The following UBE2E2 variants were observed in gnomAD, a reference collection of about 807,000 sequenced individuals.
UBE2E2 encodes ubiquitin conjugating enzyme E2 E2.
In UBE2E2, 6 loss-of-function variants were observed where a neutral mutation model predicts 24.7. That is an observed-to-expected ratio of 0.24 (90% confidence interval 0.13 to 0.48). UBE2E2 has a LOEUF of 0.48. Among genes scored for constraint, UBE2E2 ranks in the 20% least tolerant of loss-of-function variants. UBE2E2 has a pLI of 0.99. For missense variants in UBE2E2, 169 were observed against 245.0 expected (o/e 0.69, Z 2.07); for synonymous variants, 104 against 83.6 (o/e 1.24, Z -1.33).
At chr3:23,348,347 CAAAAAAA>C (rs35038477) in intron 3 of UBE2E2, among the ~76,000 whole-genome samples, 9 of 121,954 alleles carry the variant, frequency 7.4e-5, no homozygotes, top group South Asian at 5.5e-4. Context: ...GTGCTGCTTT[CAAAAAAA>C]AAAAAAAAAA....
intron 4 of UBE2E2, among the ~76,000 whole-genome samples, chr3:23,501,293 T>G (rs182855159): frequency 5.9e-5 from 9 of 152,286 alleles, no homozygotes; most frequent in African/African-American, 1.9e-4. Flanking sequence ...GACAGAAATG[T>G]GTAGATTAAA....
intron 3 of UBE2E2, among the ~76,000 whole-genome samples, chr3:23,484,340 T>C (rs993625259): frequency 1.8e-4 from 28 of 152,192 alleles, no homozygotes; most frequent in African/African-American, 6.0e-4. Flanking sequence ...CATATACTTA[T>C]CCTGAGAGAA....
intron 3 of UBE2E2, among the ~76,000 whole-genome samples, chr3:23,396,783 C>T (rs1347653521): frequency 6.6e-6 from 1 of 152,102 alleles, no homozygotes; most frequent in Admixed American, 6.6e-5. Flanking sequence ...TCATAGTGAG[C>T]ACTCAATAAA....
chr3:23,285,553 G>C (rs917564027), intron 3 of UBE2E2, among the ~76,000 whole-genome samples: 1 of 152,004 alleles, frequency 6.6e-6, no homozygotes, highest in Non-Finnish European at 1.5e-5. Flanking sequence ...GCCTGTCTTT[G>C]GATAAAAGTC....
intron 3 of UBE2E2, among the ~76,000 whole-genome samples, chr3:23,401,530 G>A (rs1299414123): frequency 6.6e-6 from 1 of 152,058 alleles, no homozygotes; most frequent in Non-Finnish European, 1.5e-5. Flanking sequence ...TTGTCTGATG[G>A]CCTTCAAAAC....
Position 23,324,190 on chromosome 3 carries a change from A to G in UBE2E2, c.227+106878A>G, listed in dbSNP as rs375336871. 7.9e-5 allele frequency among the ~76,000 whole-genome samples: 12 copies of G among 152,268 alleles called. No individual in the cohort carries two copies. In the South Asian group the frequency reaches 2.5e-3, roughly 32 times the overall value. On this transcript the variant is annotated intron_variant, in intron 3 of 5. Coordinates refer to ENST00000396703, the MANE Select transcript of UBE2E2 (RefSeq NM_152653.4). ...AGCCAGTTTATTCCTGTTCCACTGC[A>G]TCACTTATGATTATTTGGGACCTGG...
chr3:23,511,727 G>A (rs963438070), intron 4 of UBE2E2, among the ~76,000 whole-genome samples: 2 of 152,166 alleles, frequency 1.3e-5, no homozygotes, highest in Non-Finnish European at 2.9e-5. Flanking sequence ...AGTTCTCACT[G>A]TTTGGGGATT....
chr3:23,546,103 A>G (rs1236100978), intron 5 of UBE2E2, among the ~76,000 whole-genome samples: 1 of 152,224 alleles, frequency 6.6e-6, no homozygotes, highest in East Asian at 1.9e-4. Context: ...CTTTACCACT[A>G]TACAGTTTAT....
Position 23,590,661 on chromosome 3 carries a change from C to T in UBE2E2, c.*830C>T, listed in dbSNP as rs1696740280. 2 of 152,552 alleles carry T rather than the reference C, an allele frequency of 1.3e-5. No individual in the cohort carries two copies. The highest frequency in any genetic ancestry group is 2.4e-5 in the African/African-American group (1 of 41,444). 9.4% of individuals were successfully genotyped at this position (152,552 alleles called of 1,614,324 possible). A position where few individuals can be genotyped will look rare whatever the true frequency, so the allele number is the denominator to read the frequency against. On this transcript the variant is annotated 3_prime_UTR_variant, in exon 6 of 6. Transcript: ENST00000396703. ...CAGTGAGGCTTGTCTAATTCAATTA[C>T]AGGTTCAAGTGTATTTTTCATCTCA...
At chr3:23,475,585 A>C (rs1289124156) in intron 3 of UBE2E2, among the ~76,000 whole-genome samples, 3 of 152,048 alleles carry the variant, frequency 2.0e-5, no homozygotes, top group Non-Finnish European at 4.4e-5. Flanking sequence ...ATATATGCAA[A>C]GTGACTCCTA....
intron 5 of UBE2E2, among the ~76,000 whole-genome samples, chr3:23,576,933 T>TC (rs1696360689): frequency 6.6e-6 from 1 of 151,916 alleles, no homozygotes; most frequent in African/African-American, 2.4e-5. Flanking sequence ...TTTTTTTTTT[T>TC]AACAAATTGA....
chr3:23,562,019 G>C (rs1474132953), intron 5 of UBE2E2, among the ~76,000 whole-genome samples: 5 of 152,172 alleles, frequency 3.3e-5, no homozygotes, highest in Non-Finnish European at 7.3e-5. Flanking sequence ...TGCAAACAGG[G>C]ACAATTTGAC....
chr3:23,328,090 G>A (rs1694952672), intron 3 of UBE2E2, among the ~76,000 whole-genome samples: 1 of 151,884 alleles, frequency 6.6e-6, no homozygotes, highest in Non-Finnish European at 1.5e-5. Flanking sequence ...GAAATCAAAT[G>A]TTTTCTTTTT....
chr3:23,300,735 C>G (rs983054761), intron 3 of UBE2E2, among the ~76,000 whole-genome samples: 4 of 152,038 alleles, frequency 2.6e-5, no homozygotes, highest in African/African-American at 9.7e-5. Context: ...TTCATTTCAA[C>G]TTTGGTGAAT....
intron 3 of UBE2E2, among the ~76,000 whole-genome samples, chr3:23,428,435 A>G (rs1407926492): frequency 6.6e-6 from 1 of 152,236 alleles, no homozygotes; most frequent in Non-Finnish European, 1.5e-5. Context: ...TGCAGAGGTT[A>G]CAGAAGAAGA....
chr3:23,548,890 C>T (rs950186349), intron 5 of UBE2E2, among the ~76,000 whole-genome samples: 4 of 152,140 alleles, frequency 2.6e-5, no homozygotes, highest in Non-Finnish European at 5.9e-5. Flanking sequence ...ACTTCATGTG[C>T]CAAGTTGGTG....
At chr3:23,257,511 T>G (rs1385577669) in intron 3 of UBE2E2, among the ~76,000 whole-genome samples, 53 of 17,200 alleles carry the variant, frequency 3.1e-3, no homozygotes, top group Middle Eastern at 0.026. Context: ...CTGTTTCCCG[T>G]GCCCCCCCCC....
intron 3 of UBE2E2, among the ~76,000 whole-genome samples, chr3:23,286,715 C>A (rs1186673755): frequency 1.3e-5 from 2 of 152,084 alleles, no homozygotes; most frequent in Non-Finnish European, 2.9e-5. Flanking sequence ...ATAGAGAATG[C>A]ATTTAATCTG....
chr3:23,584,061 A>G (rs774473078), intron 5 of UBE2E2, among the ~76,000 whole-genome samples: 2 of 152,146 alleles, frequency 1.3e-5, no homozygotes, highest in Non-Finnish European at 2.9e-5. Flanking sequence ...GGTTTTTCAT[A>G]GAGGGCTCTT....
Sources: allele counts gnomAD v4.1 joint callset (sites outside exome capture counted in the v4.1 genomes callset), GRCh38; gene constraint gnomAD v4.1.1; transcripts MANE v1.5; gene names NCBI Gene and HGNC (gene_info 2026-07-23, HGNC 2026-07-21).